Variants in GRM5 observed in about 807,000 individuals in gnomAD.
GRM5 encodes metabotropic glutamate receptor 5.
In GRM5, 19 loss-of-function variants were observed where a neutral mutation model predicts 83.1. The ratio of observed to expected loss-of-function variants is 0.23; its 90% confidence interval spans 0.16 to 0.34. The LOEUF is 0.34. Ranked by LOEUF, GRM5 falls within the 10% of genes least tolerant of loss-of-function variation. The pLI, the probability that GRM5 is intolerant of heterozygous loss-of-function variation, is 1.00. For missense variants in GRM5, 1,160 were observed against 1,588.3 expected (o/e 0.73, Z 4.58); for synonymous variants, 675 against 633.6 (o/e 1.07, Z -0.98).
At chr11:88,738,004 A>G (rs1241204017) in intron 3 of GRM5, among the ~76,000 whole-genome samples, 1 of 152,036 alleles carries the variant, frequency 6.6e-6, no homozygotes, top group East Asian at 1.9e-4. Flanking sequence ...TAGAATAAAG[A>G]CAGTTGTGAA....
chr11:88,988,526 C>A (rs1049059883), intron 2 of GRM5, among the ~76,000 whole-genome samples: 4 of 151,982 alleles, frequency 2.6e-5, no homozygotes, highest in African/African-American at 9.7e-5. Context: ...AAAGATACTC[C>A]TCGAGAAGAG....
intron 3 of GRM5, among the ~76,000 whole-genome samples, chr11:88,734,556 A>G (rs1045059105): frequency 1.3e-5 from 2 of 152,096 alleles, no homozygotes; most frequent in African/African-American, 4.8e-5. Context: ...GAATGACTGA[A>G]GTTCAGGAAA....
chr11:88,886,118 A>G (rs954074683), intron 2 of GRM5, among the ~76,000 whole-genome samples: 11 of 152,134 alleles, frequency 7.2e-5, no homozygotes, highest in African/African-American at 1.2e-4. Flanking sequence ...ATTTTGGTGC[A>G]TTTGCAGCCA....
chr11:88,709,697 G>A (rs991158294), intron 3 of GRM5, among the ~76,000 whole-genome samples: 5 of 152,188 alleles, frequency 3.3e-5, no homozygotes, highest in Admixed American at 2.6e-4. Flanking sequence ...GTCAACAGAG[G>A]CTGTATTTCC....
chr11:88,661,850 T>TA (rs1408370168), intron 3 of GRM5, among the ~76,000 whole-genome samples: 1 of 152,128 alleles, frequency 6.6e-6, no homozygotes, highest in East Asian at 1.9e-4. Flanking sequence ...TTTGAAATTT[T>TA]AAATTAAGGT....
chr11:88,718,832 A>T (rs1477995237), intron 3 of GRM5, among the ~76,000 whole-genome samples: 1 of 152,010 alleles, frequency 6.6e-6, no homozygotes, highest in Non-Finnish European at 1.5e-5. Context: ...ATATTGGCTA[A>T]CAACTGAACA....
chr11:88,645,216 C>CA (rs1245530073), intron 4 of GRM5, among the ~76,000 whole-genome samples: 4 of 152,016 alleles, frequency 2.6e-5, no homozygotes, highest in South Asian at 4.1e-4. Context: ...CTTGGGGGAA[C>CA]AAAAAATGGG....
chr11:88,978,537 G>C (rs549278263), intron 2 of GRM5, among the ~76,000 whole-genome samples: 5 of 127,916 alleles, frequency 3.9e-5, no homozygotes, highest in Non-Finnish European at 8.3e-5. Flanking sequence ...TCTTAAGAAA[G>C]TTTATGAATT....
intron 2 of GRM5, among the ~76,000 whole-genome samples, chr11:88,938,405 T>C: frequency 6.6e-6 from 1 of 151,630 alleles, no homozygotes; most frequent in Non-Finnish European, 1.5e-5. Flanking sequence ...ATATCCATTA[T>C]TTAGAAAATT....
chr11:88,627,984 C>A (rs16914364), intron 4 of GRM5, among the ~76,000 whole-genome samples: 1 of 152,120 alleles, frequency 6.6e-6, no homozygotes, highest in African/African-American at 2.4e-5. Flanking sequence ...GCATTCCCAG[C>A]CTTATTTGTT....
chr11:88,829,048 A>T (rs1479370784), intron 3 of GRM5, among the ~76,000 whole-genome samples: 1 of 152,050 alleles, frequency 6.6e-6, no homozygotes, highest in Non-Finnish European at 1.5e-5. Flanking sequence ...AAAAAATCTT[A>T]AAAAATTCTT....
At chr11:88,967,347 T>C (rs559378598) in intron 2 of GRM5, among the ~76,000 whole-genome samples, 1 of 151,336 alleles carries the variant, frequency 6.6e-6, no homozygotes, top group Admixed American at 6.6e-5. Context: ...CTTATAGGGA[T>C]AGAGGGATAT....
intron 2 of GRM5, among the ~76,000 whole-genome samples, chr11:88,954,824 C>T (rs1367595136): frequency 3.9e-5 from 6 of 152,094 alleles, no homozygotes; most frequent in Non-Finnish European, 8.8e-5. Context: ...TTGTTCTAAC[C>T]TTAAAGCCTG....
chr11:88,748,290 A>T (rs551335051), intron 3 of GRM5, among the ~76,000 whole-genome samples: 2 of 152,270 alleles, frequency 1.3e-5, no homozygotes, highest in African/African-American at 4.8e-5. Flanking sequence ...GCAAGGCATG[A>T]AAGCCAACCA....
chr11:88,641,774 C>T (rs1346269821), intron 4 of GRM5, among the ~76,000 whole-genome samples: 1 of 152,194 alleles, frequency 6.6e-6, no homozygotes, highest in Non-Finnish European at 1.5e-5. Flanking sequence ...AAGGGGTGGG[C>T]TCCCACGGCC....
chr11:88,706,671 C>G (rs1941166715), intron 3 of GRM5, among the ~76,000 whole-genome samples: 1 of 152,062 alleles, frequency 6.6e-6, no homozygotes, highest in African/African-American at 2.4e-5. Flanking sequence ...AATGCCTTAT[C>G]TACCAAATCC....
At chr11:88,790,328 GT>G (rs1453560585) in intron 3 of GRM5, among the ~76,000 whole-genome samples, 1 of 152,142 alleles carries the variant, frequency 6.6e-6, no homozygotes, top group East Asian at 1.9e-4. Context: ...CTCTGTGTTT[GT>G]TTTTCCCATC....
chr11:88,783,350 T>C (rs1033377059), intron 3 of GRM5, among the ~76,000 whole-genome samples: 3 of 152,098 alleles, frequency 2.0e-5, no homozygotes, highest in African/African-American at 7.2e-5. Flanking sequence ...ATATACATTA[T>C]CATTGAACTT....
intron 2 of GRM5, among the ~76,000 whole-genome samples, chr11:89,022,051 G>A (rs1474997255): frequency 6.6e-6 from 1 of 152,096 alleles, no homozygotes; most frequent in African/African-American, 2.4e-5. Flanking sequence ...TATCCTGGGA[G>A]GGGCTGGTGA....
Sources: allele counts gnomAD v4.1 joint callset (sites outside exome capture counted in the v4.1 genomes callset), GRCh38; gene constraint gnomAD v4.1.1; transcripts MANE v1.5; gene names NCBI Gene and HGNC (gene_info 2026-07-23, HGNC 2026-07-21).